The following GPBP1 variants were observed in gnomAD, a reference collection of about 807,000 sequenced individuals.
GPBP1 encodes GC-rich promoter binding protein 1, also known as vasculin.
In GPBP1, 13 loss-of-function variants were observed where a neutral mutation model predicts 56.5. That is an observed-to-expected ratio of 0.23 (90% CI 0.15 to 0.37). GPBP1 has a LOEUF of 0.37. Ranked by LOEUF, GPBP1 falls within the 10% of genes least tolerant of loss-of-function variation. GPBP1 has a pLI of 1.00. For missense variants in GPBP1, 477 were observed against 572.3 expected (o/e 0.83, Z 1.70); for synonymous variants, 204 against 188.9 (o/e 1.08, Z -0.66).
chr5:57,247,068 T>G lies in GPBP1; in HGVS notation c.664-7T>G, dbSNP rs780221147. On this transcript the variant is annotated splice_polypyrimidine_tract_variant and splice_region_variant and intron_variant, in intron 7 of 11. Coordinates refer to ENST00000506184, the MANE Select transcript of GPBP1 (RefSeq NM_022913.4). Reference sequence around the variant, plus strand: ...ATAGCCATTAATGTTTGTGTGTTTTTCTTTAGCCTACACAATGGAAAAGCC... The same window carrying G: ...ATAGCCATTAATGTTTGTGTGTTTTGCTTTAGCCTACACAATGGAAAAGCC... 1 of 1,602,760 alleles carries G rather than the reference T, an allele frequency of 6.2e-7. No individual in the cohort carries two copies. Among genetic ancestry groups the G allele is most frequent in the Admixed American group, 1.8e-5 (1 of 56,824 alleles).
At chr5:57,178,411 A>AT (rs1753893275) in intron 2 of GPBP1, among the ~76,000 whole-genome samples, 1 of 151,872 alleles carries the variant, frequency 6.6e-6, no homozygotes, top group South Asian at 2.1e-4. Flanking sequence ...CGCCCAGCTA[A>AT]TTTTTTGTAT....
chr5:57,220,275 T>C (rs1293855910), intron 3 of GPBP1, among the ~76,000 whole-genome samples: 5 of 151,864 alleles, frequency 3.3e-5, no homozygotes, highest in Admixed American at 3.3e-4. Flanking sequence ...ATGTGAGCCA[T>C]TGAGCCTGGC....
intron 2 of GPBP1, among the ~76,000 whole-genome samples, chr5:57,185,964 AAG>A (rs1754268194): frequency 6.6e-6 from 1 of 152,118 alleles, no homozygotes; most frequent in African/African-American, 2.4e-5. Flanking sequence ...TAAAAAAAAA[AAG>A]GCAAAAAAAT....
intron 3 of GPBP1, among the ~76,000 whole-genome samples, chr5:57,218,546 G>T (rs1755796778): frequency 1.3e-5 from 2 of 152,114 alleles, no homozygotes; most frequent in Admixed American, 6.5e-5. Context: ...TCAGCAATTG[G>T]TCTATGGGTG....
intron 2 of GPBP1, among the ~76,000 whole-genome samples, chr5:57,192,432 T>C (rs1164843358): frequency 6.6e-6 from 1 of 152,038 alleles, no homozygotes; most frequent in Admixed American, 6.6e-5. Flanking sequence ...ACAGCAGTAG[T>C]GTAAGACAGT....
chr5:57,256,072 A>G (rs1236575103), intron 10 of GPBP1, among the ~76,000 whole-genome samples: 1 of 152,162 alleles, frequency 6.6e-6, no homozygotes, highest in African/African-American at 2.4e-5. Flanking sequence ...CCTGGCCAAC[A>G]TGGTGAAACC....
At chr5:57,191,546 AT>A (rs1211998979) in intron 2 of GPBP1, among the ~76,000 whole-genome samples, 3 of 135,294 alleles carry the variant, frequency 2.2e-5, no homozygotes, top group Non-Finnish European at 3.2e-5. Flanking sequence ...AACAAAATAC[AT>A]TTATCTTTAG....
At position 57,230,944 on chromosome 5, in the gene GPBP1, T is replaced by C. The variant is rs768716259; in HGVS notation, c.162T>C (p.Asp54=). ...GACACAACTCTTCAGATGGCTTTGA[T>C]TCTGCTATTGGGCGTCCTAATGGAG... is the stretch of plus-strand genomic sequence containing the variant. The part of the protein sequence containing the change: ...RRRHNSSDGF[D]SAIGRPNGGN... Residue 54 remains aspartate (D), a synonymous_variant, in exon 4 of 12, where the codon GAT becomes GAC. Transcript: ENST00000506184. The C allele has an allele frequency of 8.1e-6, 13 of 1,611,608 alleles. No individual in the cohort carries two copies. In the Admixed American group the frequency reaches 2.0e-4, roughly 25 times the overall value.
At chr5:57,241,612 G>T (rs908150653) in intron 6 of GPBP1, among the ~76,000 whole-genome samples, 2 of 152,114 alleles carry the variant, frequency 1.3e-5, no homozygotes, top group African/African-American at 4.8e-5. Flanking sequence ...TTATTTGCGA[G>T]GATAGAGGGA....
At chr5:57,198,939 G>C (rs1376186080) in intron 2 of GPBP1, among the ~76,000 whole-genome samples, 1 of 152,110 alleles carries the variant, frequency 6.6e-6, no homozygotes, top group Non-Finnish European at 1.5e-5. Flanking sequence ...ATGCTTAAAA[G>C]TATTTTGTTT....
intron 2 of GPBP1, among the ~76,000 whole-genome samples, chr5:57,178,342 G>C (rs1023691679): frequency 1.3e-5 from 2 of 152,088 alleles, no homozygotes; most frequent in Non-Finnish European, 2.9e-5. Context: ...CCGCCTCCTG[G>C]GTTCAAGCGA....
chr5:57,261,553 A>G (rs558733670), intron 11 of GPBP1, among the ~76,000 whole-genome samples: 37 of 152,328 alleles, frequency 2.4e-4, no homozygotes, highest in African/African-American at 8.9e-4. Context: ...TTGACTTTAT[A>G]GAAGTCTGCA....
At chr5:57,188,895 C>A (rs185093316) in intron 2 of GPBP1, among the ~76,000 whole-genome samples, 1 of 152,292 alleles carries the variant, frequency 6.6e-6, no homozygotes, top group Admixed American at 6.5e-5. Flanking sequence ...CCATCTAATC[C>A]ATTAGCAAAT....
chr5:57,250,395 T>C (rs1298346074), intron 9 of GPBP1, among the ~76,000 whole-genome samples: 2 of 152,166 alleles, frequency 1.3e-5, no homozygotes, highest in South Asian at 2.1e-4. Context: ...CTGCTCTCTT[T>C]TGCTTGTCCC....
rs367839181 is a variant in GPBP1, at chr5:57,259,833, C to T, written c.1161-1347C>T. On this transcript the variant is annotated intron_variant, in intron 10 of 11. Coordinates refer to ENST00000506184, the MANE Select transcript of GPBP1 (RefSeq NM_022913.4). ...TTTTTCTGCTAAAGCTTTAGCTTTC[C>T]TTCTCAAAACACTCTCATAATAAGC... Among the ~76,000 whole-genome samples the T allele has an allele frequency of 7.6e-4, 116 of 151,706 alleles. 2 individuals are homozygous for T. Among genetic ancestry groups the T allele is most frequent in the African/African-American group, 2.8e-3 (116 of 40,986 alleles).
intron 6 of GPBP1, among the ~76,000 whole-genome samples, chr5:57,244,146 C>T (rs578152929): frequency 3.9e-5 from 6 of 152,202 alleles, no homozygotes; most frequent in Non-Finnish European, 5.9e-5. Flanking sequence ...AGTTGCATTT[C>T]TGCCTTCTAC....
chr5:57,214,205 G>A lies in GPBP1; in HGVS notation c.63+12G>A. The A allele has an allele frequency of 6.3e-7, 1 of 1,597,136 alleles. No individual in the cohort carries two copies. Among genetic ancestry groups the A allele is most frequent in the Non-Finnish European group, 8.6e-7 (1 of 1,164,628 alleles). On this transcript the variant is annotated intron_variant, in intron 3 of 11. Coordinates refer to ENST00000506184, the MANE Select transcript of GPBP1 (RefSeq NM_022913.4). Reference sequence around the variant, plus strand: ...CATCATCAACAAAGGTACTCTTTCTGCATCTTTCTTTCTGTCTGCTTCTCT... The same window carrying A: ...CATCATCAACAAAGGTACTCTTTCTACATCTTTCTTTCTGTCTGCTTCTCT...
At chr5:57,197,176 C>T (rs1754801749) in intron 2 of GPBP1, among the ~76,000 whole-genome samples, 2 of 152,202 alleles carry the variant, frequency 1.3e-5, no homozygotes, top group South Asian at 4.1e-4. Context: ...GCCATCACAT[C>T]TAGCCCATTT....
intron 3 of GPBP1, among the ~76,000 whole-genome samples, chr5:57,228,836 A>G (rs1314755843): frequency 2.0e-5 from 3 of 152,140 alleles, no homozygotes; most frequent in African/African-American, 7.2e-5. Flanking sequence ...AAGACTTAAA[A>G]GATGACAAAT....
Sources: allele counts gnomAD v4.1 joint callset (sites outside exome capture counted in the v4.1 genomes callset), GRCh38; gene constraint gnomAD v4.1.1; transcripts MANE v1.5; gene names NCBI Gene and HGNC (gene_info 2026-07-23, HGNC 2026-07-21).